CCNY: variants seen among roughly 807,000 people sequenced by gnomAD.
CCNY encodes the protein cyclin Y, also known as cyclin-Y.
A neutral mutation model predicts 42.8 loss-of-function variants in CCNY; 19 were observed. The ratio of observed to expected loss-of-function variants is 0.44; its 90% CI spans 0.31 to 0.65. The LOEUF (loss-of-function observed/expected upper bound fraction) is 0.65, where lower values mean the gene tolerates loss of function less well. CCNY is among the 30% of genes least tolerant of loss of function. The pLI, the probability that CCNY is intolerant of heterozygous loss-of-function variation, is 0.07. For missense variants in CCNY, 370 were observed against 437.3 expected (o/e 0.85, Z 1.37); for synonymous variants, 165 against 162.7 (o/e 1.01, Z -0.11).
intron 3 of CCNY, among the ~76,000 whole-genome samples, chr10:35,276,076 C>T (rs1225778505): frequency 6.6e-6 from 1 of 152,214 alleles, no homozygotes; most frequent in Non-Finnish European, 1.5e-5. Flanking sequence ...TTTCTGCAGC[C>T]ACAGACTTCT....
intron 1 of CCNY, among the ~76,000 whole-genome samples, chr10:35,417,749 A>G (rs1008392553): frequency 5.9e-5 from 9 of 152,362 alleles, no homozygotes; most frequent in Middle Eastern, 3.4e-3. Flanking sequence ...TGAACAAGCC[A>G]TCTATCAGAG....
At chr10:35,399,736 C>T (rs974011994) in intron 1 of CCNY, among the ~76,000 whole-genome samples, 28 of 152,136 alleles carry the variant, frequency 1.8e-4, no homozygotes, top group Admixed American at 5.9e-4. Context: ...CTTTTATGTG[C>T]GGAGTACTGA....
chr10:35,459,048 C>T (rs771342883), intron 1 of CCNY, among the ~76,000 whole-genome samples: 1 of 152,180 alleles, frequency 6.6e-6, no homozygotes, highest in Non-Finnish European at 1.5e-5. Context: ...AGAACAAATT[C>T]TGCTTAGCAT....
At chr10:35,476,877 G>A (rs572862037) in intron 1 of CCNY, among the ~76,000 whole-genome samples, 3 of 152,024 alleles carry the variant, frequency 2.0e-5, no homozygotes, top group Non-Finnish European at 4.4e-5. Flanking sequence ...CAACAAAATT[G>A]ATAGACCACT....
chr10:35,532,702 C>T (rs911920735), intron 7 of CCNY, among the ~76,000 whole-genome samples: 7 of 152,182 alleles, frequency 4.6e-5, no homozygotes, highest in African/African-American at 1.4e-4. Flanking sequence ...GAAGCCAGGC[C>T]TGCAGTGAAG....
intron 1 of CCNY, among the ~76,000 whole-genome samples, chr10:35,402,983 G>T (rs1265422594): frequency 2.6e-5 from 4 of 152,216 alleles, no homozygotes; most frequent in Non-Finnish European, 5.9e-5. Context: ...CTCAGACCCT[G>T]TGGGAAAGGT....
chr10:35,521,079 A>T (rs910459549), intron 4 of CCNY, among the ~76,000 whole-genome samples: 1 of 152,236 alleles, frequency 6.6e-6, no homozygotes, highest in Non-Finnish European at 1.5e-5. Flanking sequence ...TGTCATATAC[A>T]TTGCTAATTT....
At chr10:35,550,551 C>A (rs1193417964) in intron 7 of CCNY, among the ~76,000 whole-genome samples, 1 of 152,100 alleles carries the variant, frequency 6.6e-6, no homozygotes, top group Non-Finnish European at 1.5e-5. Flanking sequence ...ATCCCCCATG[C>A]CTGCTGCTTC....
chr10:35,346,877 T>G (rs1190528375), intron 1 of CCNY, among the ~76,000 whole-genome samples: 1 of 152,240 alleles, frequency 6.6e-6, no homozygotes, highest in Non-Finnish European at 1.5e-5. Context: ...TCTGCCCGCC[T>G]CGGCCTTCCA....
At chr10:35,331,603 C>A (rs531447872), upstream of CCNY, among the ~76,000 whole-genome samples, 1 of 152,182 alleles carries the variant, frequency 6.6e-6, no homozygotes, top group Non-Finnish European at 1.5e-5. Flanking sequence ...GCTCCCTTCT[C>A]GGCTAAGCTG....
intron 1 of CCNY, among the ~76,000 whole-genome samples, chr10:35,458,817 A>T (rs915927434): frequency 1.3e-5 from 2 of 152,232 alleles, no homozygotes; most frequent in Non-Finnish European, 2.9e-5. Flanking sequence ...CCTTTCAGGG[A>T]ACCAAGGCTC....
intron 1 of CCNY, among the ~76,000 whole-genome samples, chr10:35,385,188 G>C (rs1837277404): frequency 6.6e-6 from 1 of 152,138 alleles, no homozygotes; most frequent in African/African-American, 2.4e-5. Context: ...TCATTATTGT[G>C]ATTTGATACT....
At chr10:35,337,290 C>G in intron 1 of CCNY, 83 bp downstream of exon 1, 2 of 1,326,920 alleles carry the variant, frequency 1.5e-6, no homozygotes, top group Non-Finnish European at 2.0e-6. Context: ...GCTGCTCTTG[C>G]TTGCCCAGCC....
intron 1 of CCNY, among the ~76,000 whole-genome samples, chr10:35,391,097 A>G (rs1837403521): frequency 6.6e-6 from 1 of 152,226 alleles, no homozygotes; most frequent in Admixed American, 6.5e-5. Flanking sequence ...CTCAAACATA[A>G]ATTTAATTCT....
intron 1 of CCNY, among the ~76,000 whole-genome samples, chr10:35,338,565 C>T (rs573818373): frequency 3.7e-4 from 57 of 152,296 alleles, no homozygotes; most frequent in African/African-American, 1.1e-3. Flanking sequence ...CGGTCTTGAT[C>T]ACTTTCACAG....
At chr10:35,417,325 A>C (rs1322802615) in intron 1 of CCNY, among the ~76,000 whole-genome samples, 1 of 152,220 alleles carries the variant, frequency 6.6e-6, no homozygotes, top group African/African-American at 2.4e-5. Flanking sequence ...TGTGGAGCAG[A>C]GTGGCCCAGA....
chr10:35,262,935 A>AG (rs2095721224), intron 3 of CCNY, among the ~76,000 whole-genome samples: 2 of 151,608 alleles, frequency 1.3e-5, no homozygotes, highest in African/African-American at 4.8e-5. Flanking sequence ...GAAAAAAAAA[A>AG]GGTCACGTGT....
chr10:35,255,104 T>G (rs2095714577), intron 3 of CCNY, among the ~76,000 whole-genome samples: 1 of 128,964 alleles, frequency 7.8e-6, no homozygotes, highest in Admixed American at 7.5e-5. Context: ...GTTCTATGTA[T>G]ATAACTGTAT....
intron 1 of CCNY, among the ~76,000 whole-genome samples, chr10:35,384,738 C>A (rs1837266865): frequency 6.6e-6 from 1 of 152,154 alleles, no homozygotes; most frequent in Admixed American, 6.5e-5. Context: ...GCCTGTCCTT[C>A]TCCCCCAGGG....
Sources: allele counts gnomAD v4.1 joint callset (sites outside exome capture counted in the v4.1 genomes callset), GRCh38; gene constraint gnomAD v4.1.1; transcripts MANE v1.5; gene names NCBI Gene and HGNC (gene_info 2026-07-23, HGNC 2026-07-21).